GRAMD1C: variants seen among roughly 807,000 people sequenced by gnomAD.
GRAMD1C encodes the protein protein Aster-C.
GRAMD1C carries 89 observed loss-of-function variants against 97.8 expected under a neutral mutation model. The ratio of observed to expected loss-of-function variants is 0.91; its 90% CI spans 0.77 to 1.09. GRAMD1C has a LOEUF of 1.09. GRAMD1C is among the 50% of genes least tolerant of loss of function. GRAMD1C has a pLI of 0.00. For synonymous variants in GRAMD1C, 256 were observed against 267.0 expected, an observed-to-expected ratio of 0.96 and a Z score of 0.40; for missense variants, 740 against 766.4, an observed-to-expected ratio of 0.97 and a Z score of 0.41.
chr3:113,939,843 G>A (rs1207595940), intron 15 of GRAMD1C, 43 bp from the exon 16 acceptor site: 9 of 1,003,002 alleles, frequency 9.0e-6, no homozygotes, highest in Non-Finnish European at 1.4e-5. Flanking sequence ...CAATGCTTTA[G>A]GTCTGGAAAA....
intron 10 of GRAMD1C, among the ~76,000 whole-genome samples, chr3:113,918,487 TTCAATA>T (rs1936919122): frequency 6.6e-6 from 1 of 152,236 alleles, no homozygotes; most frequent in East Asian, 1.9e-4. Flanking sequence ...TATATCTGGC[TTCAATA>T]TCAATGATTA....
intron 17 of GRAMD1C, among the ~76,000 whole-genome samples, chr3:113,945,192 T>C (rs916972871): frequency 6.6e-6 from 1 of 152,198 alleles, no homozygotes; most frequent in African/African-American, 2.4e-5. Context: ...AGAAGTACAA[T>C]ACTCCAGCAA....
chr3:113,927,953 C>T (rs1276004179), intron 10 of GRAMD1C, among the ~76,000 whole-genome samples: 3 of 152,130 alleles, frequency 2.0e-5, no homozygotes, highest in South Asian at 4.2e-4. Context: ...TGAGAGTTGT[C>T]GCCGCAGAAA....
At chr3:113,856,582 C>T (rs1169813828) in intron 2 of GRAMD1C, among the ~76,000 whole-genome samples, 2 of 152,220 alleles carry the variant, frequency 1.3e-5, no homozygotes, top group African/African-American at 4.8e-5. Flanking sequence ...CTCTGTCGCC[C>T]AGGCGGGAGT....
chr3:113,843,220 G>T (rs376507625), intron 1 of GRAMD1C, among the ~76,000 whole-genome samples: 1 of 151,718 alleles, frequency 6.6e-6, no homozygotes, highest in Non-Finnish European at 1.5e-5. Flanking sequence ...GACAATAGGC[G>T]CATGCCACCA....
intron 8 of GRAMD1C, among the ~76,000 whole-genome samples, chr3:113,907,043 C>T (rs919677351): frequency 6.6e-6 from 1 of 152,086 alleles, no homozygotes; most frequent in African/African-American, 2.4e-5. Flanking sequence ...ATGACGTTGG[C>T]ACAACAATAA....
intron 2 of GRAMD1C, among the ~76,000 whole-genome samples, chr3:113,867,167 G>A (rs2107365077): frequency 6.6e-6 from 1 of 152,254 alleles, no homozygotes; most frequent in African/African-American, 2.4e-5. Context: ...AGAGAAATGA[G>A]AAAATAGATT....
At chr3:113,878,269 C>G (rs1358783018) in intron 5 of GRAMD1C, among the ~76,000 whole-genome samples, 1 of 152,172 alleles carries the variant, frequency 6.6e-6, no homozygotes, top group Non-Finnish European at 1.5e-5. Flanking sequence ...CCCCTTCAAG[C>G]TGGCTCCAGT....
chr3:113,884,078 A>T (rs77180965), intron 6 of GRAMD1C, among the ~76,000 whole-genome samples: 2 of 152,182 alleles, frequency 1.3e-5, no homozygotes, highest in African/African-American at 4.8e-5. Flanking sequence ...ACAAGGAAAT[A>T]TAAGACTTGA....
intron 10 of GRAMD1C, among the ~76,000 whole-genome samples, chr3:113,927,327 C>T (rs1937262276): frequency 6.6e-6 from 1 of 151,992 alleles, no homozygotes; most frequent in Non-Finnish European, 1.5e-5. Flanking sequence ...GGCTCTGTGC[C>T]CATGTTTCTT....
At position 113,943,819 on chromosome 3, in the gene GRAMD1C, CAGG is replaced by C. The variant is rs759573671; in HGVS notation, c.1909-1576_1909-1574del. On this transcript the variant is annotated intron_variant, in intron 17 of 17. Coordinates refer to ENST00000358160, the MANE Select transcript of GRAMD1C (RefSeq NM_017577.5). ...GTCCCAGCTACTCGGGAGGCTGAGG[CAGG>C]AGAATTGTTTGAACCCAGGAGGCGG... Among the ~76,000 whole-genome samples, 6 of 152,156 alleles carry C rather than the reference CAGG, an allele frequency of 3.9e-5. No individual in the cohort carries two copies. In the East Asian group the frequency reaches 1.2e-3, roughly 29 times the overall value.
Position 113,892,050 on chromosome 3 carries a change from A to G in GRAMD1C, c.541-8981A>G, listed in dbSNP as rs559111445. ...TAAAGTACTATAAAATGATAGTAAA[A>G]TTATGTTTGTGTGCATTTGTTTTAT... On this transcript the variant is annotated intron_variant, in intron 6 of 17. Coordinates refer to ENST00000358160, the MANE Select transcript of GRAMD1C (RefSeq NM_017577.5). Among the ~76,000 whole-genome samples, 4 of 152,224 alleles carry G rather than the reference A, an allele frequency of 2.6e-5. No individual in the cohort carries two copies. The South Asian group carries it at 8.3e-4, about 32-fold the overall frequency.
At chr3:113,849,748 C>G (rs1339885459) in intron 2 of GRAMD1C, among the ~76,000 whole-genome samples, 1 of 152,214 alleles carries the variant, frequency 6.6e-6, no homozygotes, top group East Asian at 1.9e-4. Flanking sequence ...CACCTTTCCC[C>G]CCTTTCTATT....
In GRAMD1C at chr3:113,940,277, C is replaced by A; in HGVS notation, c.1840C>A (p.Gln614Lys). ...SDMVSRAETI[Q>K]KNKDQAHRLK... ...TATGGTGTCAAGAGCAGAAACTATTCAGAAGAATAAAGATCAGGCCCATCG... is the reference window on the plus strand; with the variant it reads ...TATGGTGTCAAGAGCAGAAACTATTAAGAAGAATAAAGATCAGGCCCATCG... Residue 614 changes from glutamine to lysine, a missense_variant, in exon 17 of 18, where the codon CAG (glutamine) becomes AAG (lysine). By Grantham distance (53) the Gln-to-Lys change is moderately conservative. Transcript: ENST00000358160. 6.2e-7 allele frequency: 1 copy of A among 1,610,730 alleles called. No homozygotes were observed. The highest frequency in any genetic ancestry group is 1.1e-5 in the South Asian group (1 of 91,014).
chr3:113,913,429 C>CAAAA (rs765510213), intron 9 of GRAMD1C, among the ~76,000 whole-genome samples: 6 of 68,206 alleles, frequency 8.8e-5, no homozygotes, highest in Admixed American at 1.8e-4. Flanking sequence ...ACTCTGTCTC[C>CAAAA]AAAAAAAAAA....
intron 1 of GRAMD1C, among the ~76,000 whole-genome samples, chr3:113,830,496 G>T (rs967390349): frequency 2.0e-4 from 31 of 152,194 alleles, no homozygotes; most frequent in Admixed American, 9.8e-4. Flanking sequence ...CTTACTATCT[G>T]CCTAAATTCT....
At chr3:113,923,072 A>G (rs1306439809) in intron 10 of GRAMD1C, among the ~76,000 whole-genome samples, 1 of 151,392 alleles carries the variant, frequency 6.6e-6, no homozygotes, top group Non-Finnish European at 1.5e-5. Flanking sequence ...CTTGGCACTC[A>G]GCTTGGGTGT....
intron 2 of GRAMD1C, among the ~76,000 whole-genome samples, chr3:113,846,357 C>T (rs969376111): frequency 6.6e-6 from 1 of 152,102 alleles, no homozygotes; most frequent in African/African-American, 2.4e-5. Context: ...CCGCCCGCCT[C>T]GGCCTCCCAA....
intron 6 of GRAMD1C, among the ~76,000 whole-genome samples, 157 bp downstream of exon 6, chr3:113,882,989 T>A (rs181453223): frequency 2.0e-5 from 3 of 152,190 alleles, no homozygotes; most frequent in Admixed American, 6.5e-5. Flanking sequence ...AGTTACAAGT[T>A]AAGATGTTAA....
Sources: allele counts gnomAD v4.1 joint callset (sites outside exome capture counted in the v4.1 genomes callset), GRCh38; gene constraint gnomAD v4.1.1; transcripts MANE v1.5; gene names NCBI Gene and HGNC (gene_info 2026-07-23, HGNC 2026-07-21).